The following FAM135B variants were observed in gnomAD, a reference collection of about 807,000 sequenced individuals.
FAM135B encodes family with sequence similarity 135 member B, also known as protein FAM135B.
Under a neutral mutation model 127.7 loss-of-function variants are expected in FAM135B, and 43 were observed. The observed-to-expected ratio is 0.34, with a 90% CI of 0.26 to 0.43. The LOEUF (loss-of-function observed/expected upper bound fraction) is 0.43. Among genes scored for constraint, FAM135B ranks in the 20% least tolerant of loss-of-function variants. The pLI is 1.00. For missense variants in FAM135B, 1,558 were observed against 1,725.6 expected, an observed-to-expected ratio of 0.90 and a Z score of 1.72; for synonymous variants, 670 against 665.1, an observed-to-expected ratio of 1.01 and a Z score of -0.11.
chr8:138,357,165 T>C (rs1830140574), intron 2 of FAM135B, among the ~76,000 whole-genome samples: 1 of 152,138 alleles, frequency 6.6e-6, no homozygotes, highest in Admixed American at 6.6e-5. Flanking sequence ...AAAAAGACAA[T>C]TTTAAATAAT....
intron 1 of FAM135B, among the ~76,000 whole-genome samples, chr8:138,423,142 G>C (rs112421706): frequency 4.4e-4 from 67 of 152,198 alleles, no homozygotes; most frequent in African/African-American, 1.5e-3. Flanking sequence ...GGGGGGTGAG[G>C]ATTGAAAATC....
intron 17 of FAM135B, 93 bp from the exon 18 acceptor site, chr8:138,139,189 AT>A: frequency 1.6e-6 from 1 of 606,452 alleles, no homozygotes; most frequent in Non-Finnish European, 2.9e-6. Flanking sequence ...GTTAAACTGA[AT>A]TTTAGTTAAC....
At position 138,148,595 on chromosome 8, in the gene FAM135B, A is replaced by G. The variant is rs1817851704; in HGVS notation, c.3373T>C (p.Tyr1125His). The G allele has an allele frequency of 6.2e-7, 1 of 1,612,980 alleles. No homozygotes were observed. The highest frequency in any genetic ancestry group is 1.3e-5 in the African/African-American group (1 of 74,890). ...TCTTCCTCTTCCTCTGGTGGGAAAT[A>G]TGGTATATCAGAAGCTAGTACAGTT... is the stretch of plus-strand genomic sequence containing the variant. ...DLTVLASDIP[Y>H]FPPEEEEENL... Residue 1125 changes from tyrosine (Y) to histidine (H), a missense_variant, in exon 14 of 20, where the codon TAT (tyrosine) becomes CAT (histidine). By Grantham distance (83) the Tyr-to-His change is moderately conservative (BLOSUM62 2). Around this residue, in one of 5 missense-constraint regions of FAM135B, gnomAD observed 923 missense variants for 865.3 expected, o/e 1.07. Transcript: ENST00000395297.
rs147337283 is a variant in FAM135B, at chr8:138,178,982, G to A, written c.874-292C>T. Among the ~76,000 whole-genome samples the A allele has an allele frequency of 4.6e-3, 702 of 152,242 alleles. 5 individuals are homozygous for A. The highest frequency in any genetic ancestry group is 0.044 in the Middle Eastern group (13 of 294). ...CAAGATTGCCCACTACCTAGTCCCAGTATATCTTTTCCATTTCATTTTACT... is the reference window on the plus strand; with the variant it reads ...CAAGATTGCCCACTACCTAGTCCCAATATATCTTTTCCATTTCATTTTACT... On this transcript the variant is annotated intron_variant, in intron 9 of 19. Transcript: ENST00000395297.
intron 3 of FAM135B, among the ~76,000 whole-genome samples, chr8:138,286,976 G>A (rs1343739582): frequency 1.3e-5 from 2 of 152,174 alleles, no homozygotes; most frequent in African/African-American, 2.4e-5. Flanking sequence ...CTACAGCATC[G>A]AGCAGTTGGG....
At chr8:138,206,500 TCGACCTAC>T (rs1817641349) in intron 7 of FAM135B, among the ~76,000 whole-genome samples, 17 of 150,854 alleles carry the variant, frequency 1.1e-4, no homozygotes, top group African/African-American at 1.5e-4. Flanking sequence ...TATCATCCCC[TCGACCTAC>T]CCACAGCTCT....
At chr8:138,184,856 C>T (rs1815407668) in intron 9 of FAM135B, among the ~76,000 whole-genome samples, 1 of 152,218 alleles carries the variant, frequency 6.6e-6, no homozygotes, top group Admixed American at 6.5e-5. Context: ...ATTGCAGAAT[C>T]TCTTGCCCCA....
intron 3 of FAM135B, among the ~76,000 whole-genome samples, chr8:138,310,597 T>C (rs1432040757): frequency 1.3e-5 from 2 of 152,216 alleles, no homozygotes; most frequent in African/African-American, 4.8e-5. Flanking sequence ...ACAGCCAGTT[T>C]ATCTCCAAAT....
chr8:138,167,312 C>T (rs1015727637), intron 12 of FAM135B, among the ~76,000 whole-genome samples: 1 of 152,172 alleles, frequency 6.6e-6, no homozygotes, highest in African/African-American at 2.4e-5. Flanking sequence ...CCTCCTGCCT[C>T]AGCCTCCCAA....
chr8:138,382,311 C>T (rs1280104362), intron 1 of FAM135B, among the ~76,000 whole-genome samples: 4 of 152,110 alleles, frequency 2.6e-5, no homozygotes, highest in Non-Finnish European at 5.9e-5. Context: ...TAGGGTAATC[C>T]GTCTTCCCTG....
At chr8:138,374,944 G>A (rs1831367663) in intron 1 of FAM135B, among the ~76,000 whole-genome samples, 1 of 152,072 alleles carries the variant, frequency 6.6e-6, no homozygotes, top group Non-Finnish European at 1.5e-5. Context: ...CCCAACATTT[G>A]TTCCAAGAAC....
chr8:138,250,948 C>G lies in FAM135B; in HGVS notation c.435G>C (p.Arg145=), dbSNP rs2130487134. Residue 145 remains arginine (R), a synonymous_variant, in exon 6 of 20, where the codon CGG becomes CGC. Transcript: ENST00000395297. ...SRTLGLHFHP[R]NGLHHQVPVM... ...CCGGGACCTGGTGGTGCAGACCATT[C>G]CGGGGGTGGAAGTGCAGGCCAAGCG... The G allele has an allele frequency of 6.2e-7, 1 of 1,613,902 alleles. No homozygotes were observed. Among genetic ancestry groups the G allele is most frequent in the South Asian group, 1.1e-5 (1 of 91,064 alleles).
chr8:138,491,178 CAAGAA>C (rs1278045259), intron 1 of FAM135B, among the ~76,000 whole-genome samples: 1 of 147,326 alleles, frequency 6.8e-6, no homozygotes, highest in Non-Finnish European at 1.5e-5. Flanking sequence ...GAAAGAAAGA[CAAGAA>C]AAGAAAAATA....
chr8:138,277,943 A>G (rs902532568), intron 3 of FAM135B, among the ~76,000 whole-genome samples: 2 of 152,022 alleles, frequency 1.3e-5, no homozygotes, highest in African/African-American at 4.8e-5. Flanking sequence ...CCCCAATATT[A>G]TTCTCCTCTC....
chr8:138,430,530 C>A (rs2131503104), intron 1 of FAM135B, among the ~76,000 whole-genome samples: 1 of 152,288 alleles, frequency 6.6e-6, no homozygotes, highest in Non-Finnish European at 1.5e-5. Flanking sequence ...CCTCTCTCTC[C>A]TGCTGGGCAG....
chr8:138,228,948 G>A (rs1819690123), intron 7 of FAM135B, among the ~76,000 whole-genome samples: 1 of 152,278 alleles, frequency 6.6e-6, no homozygotes, highest in African/African-American at 2.4e-5. Context: ...CTGTTAGTCT[G>A]CTGATTGGGT....
At chr8:138,386,437 AAAG>A (rs1832223178) in intron 1 of FAM135B, among the ~76,000 whole-genome samples, 1 of 152,146 alleles carries the variant, frequency 6.6e-6, no homozygotes, top group South Asian at 2.1e-4. Context: ...TAGCCAGTGA[AAAG>A]AAGGAGCTGA....
rs1345294443 is a variant in FAM135B at position 138,450,262 on chromosome 8, G to T, written c.-20+46409C>A. ...CTACTTAACTACTGAAGGACATCTT[G>T]ATTGCTTCCAAGTTTTGGCAGTTAT... is the stretch of plus-strand genomic sequence containing the variant. On this transcript the variant is annotated intron_variant, in intron 1 of 19. Transcript: ENST00000395297. Among the ~76,000 whole-genome samples the T allele has an allele frequency of 2.0e-5, 3 of 152,210 alleles. No homozygotes were observed. In the East Asian group the frequency reaches 5.8e-4, roughly 29 times the overall value.
At chr8:138,410,088 G>A (rs1391666035) in intron 1 of FAM135B, among the ~76,000 whole-genome samples, 1 of 152,108 alleles carries the variant, frequency 6.6e-6, no homozygotes, top group African/African-American at 2.4e-5. Context: ...TCTGCAGCAA[G>A]GACAGGATGG....
Sources: allele counts gnomAD v4.1 joint callset (sites outside exome capture counted in the v4.1 genomes callset), GRCh38; gene constraint gnomAD v4.1.1; regional missense constraint gnomAD v4.1.1; transcripts MANE v1.5; gene names NCBI Gene and HGNC (gene_info 2026-07-23, HGNC 2026-07-21).